LRRN2: variants seen among roughly 807,000 people sequenced by gnomAD.
LRRN2 encodes the protein leucine rich repeat neuronal 2, also known as leucine-rich repeat neuronal protein 2.
A neutral mutation model predicts 35.7 loss-of-function variants in LRRN2; 10 were observed. The observed-to-expected ratio is 0.28, with a 90% confidence interval of 0.17 to 0.47. LRRN2 has a LOEUF of 0.47. Among genes scored for constraint, LRRN2 ranks in the 20% least tolerant of loss-of-function variants. The probability of loss-of-function intolerance (pLI) is 0.99; values close to 1 mark genes in which losing one functional copy is unlikely to be tolerated. For synonymous variants in LRRN2, 391 were observed against 409.6 expected, an observed-to-expected ratio of 0.95 and a Z score of 0.55; for missense variants, 731 against 940.3, an observed-to-expected ratio of 0.78 and a Z score of 2.91.
intron 1 of LRRN2, among the ~76,000 whole-genome samples, chr1:204,678,365 G>A (rs6593890): frequency 0.18 from 27,707 of 152,038 alleles, 2,833 homozygotes; most frequent in East Asian, 0.37. Flanking sequence ...GGCTGAAACA[G>A]CTCCAATGGC....
chr1:204,619,198 G>A lies in LRRN2; in HGVS notation c.795C>T (p.Phe265=). ...GGAGCGGGTTCTTGTTGAGGTCTAG[G>A]AACTTGAGCCCGGGCACCTGTTCCA... The part of the protein sequence containing the change: ...RALEQVPGLK[F]LDLNKNPLQR... The change falls in exon 2 of 2, where the codon TTC becomes TTT. Residue 265 remains phenylalanine, a synonymous_variant. Transcript: ENST00000367177. 6.2e-7 allele frequency: 1 copy of A among 1,614,074 alleles called. No homozygotes were observed. The highest frequency in any genetic ancestry group is 8.5e-7 in the Non-Finnish European group (1 of 1,180,028).
At chr1:204,665,081 T>C (rs1361007358) in intron 1 of LRRN2, among the ~76,000 whole-genome samples, 1 of 152,140 alleles carries the variant, frequency 6.6e-6, no homozygotes. Context: ...GCAGTCCATT[T>C]CATCTTCCCA....
At chr1:204,652,159 G>A (rs1213693343) in intron 1 of LRRN2, among the ~76,000 whole-genome samples, 1 of 152,216 alleles carries the variant, frequency 6.6e-6, no homozygotes, top group African/African-American at 2.4e-5. Context: ...CAGCGGCTGT[G>A]AGCCTGAAGA....
intron 1 of LRRN2, among the ~76,000 whole-genome samples, chr1:204,649,871 G>A (rs115771171): frequency 2.7e-3 from 411 of 152,274 alleles, no homozygotes; most frequent in African/African-American, 9.2e-3. Flanking sequence ...GCAACCTGGC[G>A]TGAAGAAGGC....
rs149185865 is a variant in LRRN2, at chr1:204,633,781, C to A, written c.-226-13563G>T. On this transcript the variant is annotated intron_variant, in intron 1 of 1. Coordinates refer to ENST00000367177, the MANE Select transcript of LRRN2 (RefSeq NM_201630.2). ...CCAGCTCTCCTTCCACTTCCTCAAG[C>A]CTGGAATAGAATGAGGAGATTTCCA... is the stretch of plus-strand genomic sequence containing the variant. Among the ~76,000 whole-genome samples, 7 of 152,344 alleles carry A rather than the reference C, an allele frequency of 4.6e-5. No individual in the cohort carries two copies. The East Asian group carries it at 1.4e-3, about 29-fold the overall frequency.
At chr1:204,653,861 C>A (rs1212171350) in intron 1 of LRRN2, among the ~76,000 whole-genome samples, 185 of 122,066 alleles carry the variant, frequency 1.5e-3, no homozygotes, top group East Asian at 2.5e-3. Flanking sequence ...GACCCCATCT[C>A]AAAAAAAAAA....
intron 1 of LRRN2, among the ~76,000 whole-genome samples, chr1:204,651,543 C>T (rs993715747): frequency 4.6e-5 from 7 of 152,156 alleles, no homozygotes; most frequent in Non-Finnish European, 7.3e-5. Context: ...GATGAGGAAG[C>T]AGAGTGGGGT....
intron 1 of LRRN2, among the ~76,000 whole-genome samples, chr1:204,625,478 A>G (rs1466330857): frequency 6.6e-6 from 1 of 151,014 alleles, no homozygotes; most frequent in Non-Finnish European, 1.5e-5. Context: ...GTTGAGGTAT[A>G]ACATATGTAC....
intron 1 of LRRN2, among the ~76,000 whole-genome samples, chr1:204,643,677 T>C (rs960118464): frequency 5.3e-5 from 8 of 152,016 alleles, no homozygotes; most frequent in African/African-American, 1.5e-4. Context: ...ATTTTTCCCA[T>C]TGTGACAGCT....
intron 1 of LRRN2, among the ~76,000 whole-genome samples, chr1:204,632,587 C>CCGCTGCA (rs1667733052): frequency 6.8e-6 from 1 of 147,454 alleles, no homozygotes; most frequent in East Asian, 2.0e-4. Flanking sequence ...TGAGATCATG[C>CCGCTGCA]CGCTGCACCC....
At chr1:204,669,252 G>A (rs1342143128) in intron 1 of LRRN2, among the ~76,000 whole-genome samples, 31 of 152,252 alleles carry the variant, frequency 2.0e-4, no homozygotes, top group Non-Finnish European at 2.9e-5. Context: ...AGACAGGGAA[G>A]GGAAGGGAGC....
At chr1:204,660,173 C>T (rs1668440647) in intron 1 of LRRN2, among the ~76,000 whole-genome samples, 1 of 152,096 alleles carries the variant, frequency 6.6e-6, no homozygotes, top group African/African-American at 2.4e-5. Flanking sequence ...TCACAGGACT[C>T]CTGCTCCTCT....
Position 204,618,038 on chromosome 1 carries a change from G to A in LRRN2, c.1955C>T (p.Thr652Ile), listed in dbSNP as rs763761775. 1.9e-6 allele frequency: 3 copies of A among 1,612,974 alleles called. No homozygotes were observed. The highest frequency in any genetic ancestry group is 4.5e-5 in the East Asian group (2 of 44,844). Residue 652 changes from threonine to isoleucine, a missense_variant, in exon 2 of 2, where the codon ACA becomes ATA. Thr to Ile is a moderately conservative substitution (Grantham distance 89). Transcript: ENST00000367177. ...ACCCACACCCTTCCTGGGTTGGCCT[G>A]TGCCAAGGTGGGCCGCTAGCCCAGC... ...LAAGLAAHLG[T>I]GQPRKGVGGR... is the part of the protein sequence containing the mutation.
In LRRN2 at chr1:204,657,070, G is replaced by A. The variant is rs934618838; in HGVS notation, c.-227+28250C>T. Among the ~76,000 whole-genome samples, 12 of 152,254 alleles carry A rather than the reference G, an allele frequency of 7.9e-5. No individual in the cohort carries two copies. The South Asian group carries it at 1.7e-3, about 21-fold the overall frequency. The stretch of plus-strand genomic sequence containing the variant: ...CTGTAATCCCAGCACTTTGAGAACC[G>A]AGGCGGGTGGACCATCTGAGGTCAG... On this transcript the variant is annotated intron_variant, in intron 1 of 1. Coordinates refer to ENST00000367177, the MANE Select transcript of LRRN2 (RefSeq NM_201630.2).
intron 1 of LRRN2, chr1:204,628,067 A>C (rs2102587862): frequency 6.6e-6 from 1 of 152,286 alleles, no homozygotes; most frequent in African/African-American, 2.4e-5. Flanking sequence ...GTCTGGGCTC[A>C]GACCCCCTGC....
chr1:204,620,380 T>A, intron 1 of LRRN2, 162 bp from the exon 2 acceptor site: 1 of 269,060 alleles, frequency 3.7e-6, no homozygotes, highest in Non-Finnish European at 7.0e-6. Context: ...TTCAAGCGAT[T>A]CTCCTGGCTC....
At chr1:204,665,377 T>C (rs1668556182) in intron 1 of LRRN2, among the ~76,000 whole-genome samples, 1 of 152,126 alleles carries the variant, frequency 6.6e-6, no homozygotes, top group South Asian at 2.1e-4. Flanking sequence ...GGGCTCTAAG[T>C]GATCCTCCCA....
At chr1:204,671,403 T>TG (rs1553350489) in intron 1 of LRRN2, among the ~76,000 whole-genome samples, 12,543 of 122,720 alleles carry the variant, frequency 0.1, 726 homozygotes, top group East Asian at 0.13. Context: ...GTTTGTGTGT[T>TG]TGTGTGTGTG....
rs534710217 is a variant in LRRN2 at position 204,619,257 on chromosome 1, C to T, written c.736G>A (p.Asp246Asn). The T allele has an allele frequency of 2.8e-5, 45 of 1,614,148 alleles. 1 individual carries two copies. The South Asian group carries it at 4.9e-4, about 18-fold the overall frequency. ...CTGGGCACCCGGGCCAGCTGGTTGT[C>T]ATAGAAGGAGAGGCTCTCCAGGCTT... The part of the protein sequence containing the change: ...LQSLESLSFY[D>N]NQLARVPRRA... The change falls in exon 2 of 2, where the codon GAC becomes AAC. Residue 246 changes from aspartate (D) to asparagine (N), a missense_variant. By Grantham distance (23) the Asp-to-Asn change is conservative (BLOSUM62 1). Coordinates refer to ENST00000367177, the MANE Select transcript of LRRN2 (RefSeq NM_201630.2).
Sources: allele counts gnomAD v4.1 joint callset (sites outside exome capture counted in the v4.1 genomes callset), GRCh38; gene constraint gnomAD v4.1.1; transcripts MANE v1.5; gene names NCBI Gene and HGNC (gene_info 2026-07-23, HGNC 2026-07-21).